The following EYS variants were observed in gnomAD, a reference collection of about 807,000 sequenced individuals.
The protein encoded by EYS is protein eyes shut homolog.
Under a neutral mutation model 282.1 loss-of-function variants are expected in EYS, and 250 were observed. That is an observed-to-expected ratio of 0.89 (90% CI 0.80 to 0.98). The LOEUF (loss-of-function observed/expected upper bound fraction) is 0.98. EYS is among the 50% of genes least tolerant of loss of function. The pLI is 0.00. For missense variants in EYS, 4,016 were observed against 3,709.0 expected (o/e 1.08, Z -2.15); for synonymous variants, 1,355 against 1,282.9 (o/e 1.06, Z -1.20).
chr6:65,189,954 T>G (rs912545439), intron 12 of EYS, among the ~76,000 whole-genome samples: 1 of 151,782 alleles, frequency 6.6e-6, no homozygotes. Flanking sequence ...AGTCTGTGCT[T>G]CTTCCGTTCA....
intron 12 of EYS, among the ~76,000 whole-genome samples, chr6:65,167,163 T>C (rs924624600): frequency 6.6e-6 from 1 of 151,166 alleles, no homozygotes; most frequent in Non-Finnish European, 1.5e-5. Flanking sequence ...AGAGGTATCA[T>C]ACAGCATAGC....
intron 22 of EYS, among the ~76,000 whole-genome samples, chr6:64,705,631 G>A (rs998325102): frequency 2.0e-5 from 3 of 151,564 alleles, no homozygotes; most frequent in Non-Finnish European, 4.4e-5. Context: ...TATACACCAT[G>A]GAATACTATG....
intron 41 of EYS, among the ~76,000 whole-genome samples, chr6:63,748,541 G>C (rs1421566567): frequency 6.6e-6 from 1 of 152,122 alleles, no homozygotes; most frequent in Non-Finnish European, 1.5e-5. Context: ...CAATTTTTTG[G>C]AATAGTTTTA....
At chr6:64,929,208 A>G (rs532365293) in intron 15 of EYS, among the ~76,000 whole-genome samples, 1 of 152,216 alleles carries the variant, frequency 6.6e-6, no homozygotes, top group South Asian at 2.1e-4. Flanking sequence ...GAAGAAAACT[A>G]CAAAAATTGA....
At chr6:63,934,233 T>TA (rs1489619846) in intron 35 of EYS, among the ~76,000 whole-genome samples, 7 of 152,086 alleles carry the variant, frequency 4.6e-5, no homozygotes, top group Non-Finnish European at 7.4e-5. Context: ...CGGCGATCAT[T>TA]AAAAAATCAG....
chr6:64,741,744 C>T (rs967984636), intron 22 of EYS, among the ~76,000 whole-genome samples: 107 of 152,120 alleles, frequency 7.0e-4, no homozygotes, highest in Non-Finnish European at 1.5e-3. Context: ...ATGAAGCAAC[C>T]ACTGCTGGCT....
At chr6:63,932,876 C>T (rs1764939662) in intron 35 of EYS, among the ~76,000 whole-genome samples, 1 of 152,182 alleles carries the variant, frequency 6.6e-6, no homozygotes, top group African/African-American at 2.4e-5. Flanking sequence ...AAGACTTCTC[C>T]CCACTTCAGA....
chr6:64,964,240 A>G (rs1207475378), intron 14 of EYS, among the ~76,000 whole-genome samples: 3 of 152,092 alleles, frequency 2.0e-5, no homozygotes, highest in African/African-American at 4.8e-5. Context: ...ATTATGAAGG[A>G]ATTTTTATTT....
At chr6:65,578,932 A>T (rs1582478295) in intron 2 of EYS, among the ~76,000 whole-genome samples, 1 of 152,144 alleles carries the variant, frequency 6.6e-6, no homozygotes, top group African/African-American at 2.4e-5. Flanking sequence ...ATGGTCACAC[A>T]GTATTTAATT....
chr6:63,933,685 C>T (rs990278658), intron 35 of EYS, among the ~76,000 whole-genome samples: 1 of 152,174 alleles, frequency 6.6e-6, no homozygotes, highest in Non-Finnish European at 1.5e-5. Context: ...GTGAAGCTAT[C>T]TAGTGGCTCC....
chr6:65,286,269 A>T (rs1000144105), intron 12 of EYS, among the ~76,000 whole-genome samples: 1 of 151,772 alleles, frequency 6.6e-6, no homozygotes, highest in African/African-American at 2.4e-5. Flanking sequence ...TTTATACATT[A>T]TCTCAATCTC....
chr6:65,089,979 A>AC, intron 12 of EYS, among the ~76,000 whole-genome samples: 2 of 75,114 alleles, frequency 2.7e-5, no homozygotes, highest in Non-Finnish European at 5.2e-5. Context: ...ATATATAAAT[A>AC]AATACACACA....
At chr6:64,165,752 AC>A (rs1287465555) in intron 31 of EYS, among the ~76,000 whole-genome samples, 1 of 152,186 alleles carries the variant, frequency 6.6e-6, no homozygotes, top group Non-Finnish European at 1.5e-5. Context: ...AAAATCATGG[AC>A]TTCCATAAGG....
Position 64,390,794 on chromosome 6 carries a change from GAGA to G in EYS, c.5928-1957_5928-1955del, listed in dbSNP as rs1481127657. On this transcript the variant is annotated intron_variant, in intron 28 of 42. Coordinates refer to ENST00000503581, the MANE Select transcript of EYS (RefSeq NM_001142800.2). Reference sequence around the variant, plus strand: ...ATGGAGAATGACTTTGACGAGCTGAGAGAAGAAGGCTTCAGACGATCAAATTAC... The same window carrying G: ...ATGGAGAATGACTTTGACGAGCTGAGAGAAGGCTTCAGACGATCAAATTAC... 1.6e-4 allele frequency among the ~76,000 whole-genome samples: 24 copies of G among 148,690 alleles called. 1 individual carries two copies. Among genetic ancestry groups the G allele is most frequent in the Admixed American group, 4.7e-4 (7 of 14,840 alleles).
intron 24 of EYS, among the ~76,000 whole-genome samples, chr6:64,601,847 C>G (rs1010063723): frequency 6.6e-6 from 1 of 151,960 alleles, no homozygotes; most frequent in African/African-American, 2.4e-5. Context: ...TTTGCCCCCA[C>G]CATAGTTACT....
chr6:65,012,266 A>C (rs982994155), intron 13 of EYS, among the ~76,000 whole-genome samples: 2 of 152,228 alleles, frequency 1.3e-5, no homozygotes, highest in Admixed American at 1.3e-4. Context: ...CATATCAGAC[A>C]AAAAGCACAG....
At chr6:64,205,748 A>C (rs1352046972) in intron 31 of EYS, among the ~76,000 whole-genome samples, 1 of 151,870 alleles carries the variant, frequency 6.6e-6, no homozygotes, top group Non-Finnish European at 1.5e-5. Context: ...CACCATGTCA[A>C]AATGCCATGT....
At chr6:64,972,437 C>T (rs1214979493) in intron 14 of EYS, among the ~76,000 whole-genome samples, 2 of 152,042 alleles carry the variant, frequency 1.3e-5, no homozygotes, top group Non-Finnish European at 2.9e-5. Context: ...TCTCCTTCCA[C>T]CTCTTCCACC....
At chr6:65,636,894 C>T (rs1767106107) in intron 2 of EYS, among the ~76,000 whole-genome samples, 1 of 152,146 alleles carries the variant, frequency 6.6e-6, no homozygotes, top group African/African-American at 2.4e-5. Context: ...TCAATGCAGC[C>T]TCAACCTCCC....
Sources: gnomAD v4.1 joint callset for allele counts (sites outside exome capture counted in the v4.1 genomes callset) on GRCh38, gnomAD v4.1.1 for gene constraint, MANE v1.5 for transcripts, NCBI Gene and HGNC (gene_info 2026-07-23, HGNC 2026-07-21) for gene names.